The following JARID2 variants were observed in gnomAD, a reference collection of about 807,000 sequenced individuals.
JARID2 encodes the protein jumonji and AT-rich interaction domain containing 2.
A neutral mutation model predicts 125.6 loss-of-function variants in JARID2; 21 were observed. The observed-to-expected ratio is 0.17, with a 90% CI of 0.12 to 0.24. The LOEUF (loss-of-function observed/expected upper bound fraction) is 0.24. JARID2 is among the 10% of genes least tolerant of loss of function. The pLI is 1.00. For missense variants in JARID2, 1,303 were observed against 1,639.6 expected (o/e 0.79, Z 3.55); for synonymous variants, 736 against 661.6 (o/e 1.11, Z -1.73).
intron 1 of JARID2, among the ~76,000 whole-genome samples, chr6:15,270,378 C>T (rs1039343932): frequency 3.3e-5 from 5 of 152,160 alleles, no homozygotes; most frequent in African/African-American, 9.7e-5. Flanking sequence ...GTGATCCACC[C>T]GCCTTGGCCT....
intron 1 of JARID2, among the ~76,000 whole-genome samples, chr6:15,274,299 A>G (rs1404444961): frequency 6.6e-6 from 1 of 152,064 alleles, no homozygotes; most frequent in East Asian, 1.9e-4. Flanking sequence ...CATTTTAGAT[A>G]GTTTTGGGGG....
In JARID2 at chr6:15,496,527, G is replaced by A. The variant is rs752818315; in HGVS notation, c.1302G>A (p.Arg434=). 1.9e-6 allele frequency: 3 copies of A among 1,608,468 alleles called. No homozygotes were observed. Among genetic ancestry groups the A allele is most frequent in the South Asian group, 1.1e-5 (1 of 90,658 alleles). ...AGCTGCGGGAGGGCCTGCAGCTGCG[G>A]GAGGGGCTGCGGAACTCCAAGAGGA... ...GRQLREGLQL[R]EGLRNSKRRL... is the part of the protein sequence containing the mutation. Residue 434 remains arginine (R), a synonymous_variant, in exon 7 of 18, where the codon CGG becomes CGA. Transcript: ENST00000341776.
chr6:15,349,990 T>C (rs1483874093), intron 1 of JARID2, among the ~76,000 whole-genome samples: 2 of 152,082 alleles, frequency 1.3e-5, no homozygotes, highest in African/African-American at 2.4e-5. Flanking sequence ...GTATTATTGG[T>C]TAGATGAGGA....
At chr6:15,268,680 G>C (rs2127348010) in intron 1 of JARID2, among the ~76,000 whole-genome samples, 1 of 152,252 alleles carries the variant, frequency 6.6e-6, no homozygotes, top group South Asian at 2.1e-4. Context: ...GTCTCCCTCT[G>C]CCCCATCCAT....
chr6:15,352,730 G>A (rs922483676), intron 1 of JARID2, among the ~76,000 whole-genome samples: 2 of 152,150 alleles, frequency 1.3e-5, no homozygotes, highest in Non-Finnish European at 2.9e-5. Flanking sequence ...AAGGCAGGGT[G>A]CAACCTCTGC....
intron 4 of JARID2, among the ~76,000 whole-genome samples, chr6:15,463,972 G>T (rs1327923536): frequency 1.3e-5 from 2 of 152,126 alleles, no homozygotes; most frequent in Non-Finnish European, 2.9e-5. Flanking sequence ...AATCAAGCTG[G>T]TATGTAGGTA....
chr6:15,457,644 C>T (rs1033046028), intron 4 of JARID2, among the ~76,000 whole-genome samples: 4 of 144,408 alleles, frequency 2.8e-5, no homozygotes, highest in Admixed American at 7.0e-5. Flanking sequence ...TCAATTATTA[C>T]CTTTAATATT....
chr6:15,515,260 C>T (rs542410845), intron 16 of JARID2, among the ~76,000 whole-genome samples: 2 of 152,050 alleles, frequency 1.3e-5, no homozygotes, highest in East Asian at 3.9e-4. Flanking sequence ...AGGCTGCCTA[C>T]TTCAGCCTCC....
intron 2 of JARID2, among the ~76,000 whole-genome samples, chr6:15,377,592 A>C (rs1175043813): frequency 6.6e-6 from 1 of 152,292 alleles, no homozygotes; most frequent in African/African-American, 2.4e-5. Context: ...CAGCCTCCCA[A>C]GTAGCTGCGA....
chr6:15,495,878 T>TG (rs1165269041), intron 6 of JARID2, among the ~76,000 whole-genome samples: 2 of 152,208 alleles, frequency 1.3e-5, no homozygotes, highest in African/African-American at 4.8e-5. Flanking sequence ...AGGAAGCGCC[T>TG]GGGGCAGTTT....
intron 1 of JARID2, among the ~76,000 whole-genome samples, chr6:15,331,947 A>G (rs1762724795): frequency 6.6e-6 from 1 of 152,154 alleles, no homozygotes; most frequent in Non-Finnish European, 1.5e-5. Flanking sequence ...CCTAGACTTA[A>G]TGTCCCTCCT....
Position 15,394,991 on chromosome 6 carries a change from G to A in JARID2, c.182-15233G>A, listed in dbSNP as rs9383053. Among the ~76,000 whole-genome samples, 1,165 of 151,090 alleles carry A rather than the reference G, an allele frequency of 7.7e-3. 18 individuals carry two copies. The highest frequency in any genetic ancestry group is 0.047 in the East Asian group (241 of 5,140). ...TAGAATTTAAACCAGTCAAAGAAGC[G>A]ACAAAATAATTAAAACAAGCTACAT... is the stretch of plus-strand genomic sequence containing the variant. On this transcript the variant is annotated intron_variant, in intron 2 of 17. Transcript: ENST00000341776.
intron 3 of JARID2, among the ~76,000 whole-genome samples, chr6:15,415,061 C>CCAT (rs1437171179): frequency 1.3e-5 from 2 of 152,214 alleles, no homozygotes; most frequent in Non-Finnish European, 2.9e-5. Flanking sequence ...CAAAGCACAT[C>CCAT]TTGCACCACC....
chr6:15,455,206 A>AC (rs1209905890), intron 4 of JARID2, among the ~76,000 whole-genome samples: 1 of 151,950 alleles, frequency 6.6e-6, no homozygotes, highest in Non-Finnish European at 1.5e-5. Context: ...AAAAAAAAAA[A>AC]AACAATGGTG....
intron 2 of JARID2, among the ~76,000 whole-genome samples, chr6:15,382,728 C>T (rs904759952): frequency 2.0e-5 from 3 of 152,232 alleles, no homozygotes; most frequent in Non-Finnish European, 2.9e-5. Context: ...TGAGGCGCCA[C>T]GCTTCCTAGT....
intron 4 of JARID2, among the ~76,000 whole-genome samples, chr6:15,464,993 A>G (rs1463503256): frequency 6.6e-6 from 1 of 152,202 alleles, no homozygotes; most frequent in African/African-American, 2.4e-5. Context: ...GTTCCTCAGA[A>G]TTGCCCTTAT....
intron 1 of JARID2, among the ~76,000 whole-genome samples, chr6:15,280,168 A>G (rs1760695813): frequency 6.6e-6 from 1 of 152,174 alleles, no homozygotes. Flanking sequence ...TAAAATAAAC[A>G]TGCTGTTGCT....
Position 15,468,601 on chromosome 6 carries a change from G to A in JARID2, c.553G>A (p.Val185Ile), listed in dbSNP as rs750210223. ...TGGAAGCTCTCAGGATGAGGAGGAA[G>A]TCGAGGAGGAAGATGATGAGACAGA... Reference protein sequence around the residue: ...YFGSSQDEEEVEEEDDETEDV... With the variant: ...YFGSSQDEEEIEEEDDETEDV... Residue 185 changes from valine to isoleucine, a missense_variant, in exon 5 of 18, where the codon GTC (valine) becomes ATC (isoleucine). Physicochemically the swap from Val to Ile is conservative, Grantham distance 29. Coordinates refer to ENST00000341776, the MANE Select transcript of JARID2 (RefSeq NM_004973.4). 4 of 1,614,146 alleles carry A rather than the reference G, an allele frequency of 2.5e-6. No individual in the cohort carries two copies. In the South Asian group the frequency reaches 3.3e-5, roughly 13 times the overall value.
chr6:15,424,404 A>G (rs1045018252), intron 3 of JARID2, among the ~76,000 whole-genome samples: 2 of 152,174 alleles, frequency 1.3e-5, no homozygotes, highest in African/African-American at 2.4e-5. Context: ...GCCCAGTCTT[A>G]TAATTAACCC....
Sources: gnomAD v4.1 joint callset for allele counts (sites outside exome capture counted in the v4.1 genomes callset) on GRCh38, gnomAD v4.1.1 for gene constraint, MANE v1.5 for transcripts, NCBI Gene and HGNC (gene_info 2026-07-23, HGNC 2026-07-21) for gene names.